The following MED11 variants were observed in gnomAD, a reference collection of about 807,000 sequenced individuals.
The protein encoded by MED11 is mediator complex subunit 11.
A neutral mutation model predicts 13.9 loss-of-function variants in MED11; 19 were observed. That is an observed-to-expected ratio of 1.36 (90% confidence interval 0.95 to 2.00). The LOEUF is 2.00. Among genes scored for constraint, MED11 ranks in the 30% most tolerant of loss-of-function variants. The pLI is 0.00. For synonymous variants in MED11, 67 were observed against 62.1 expected (o/e 1.08, Z -0.37); for missense variants, 134 against 150.2 (o/e 0.89, Z 0.56).
rs752656322 is a variant in MED11, at chr17:4,732,893, A to C, written c.217-157A>C. The C allele has an allele frequency of 1.2e-5, 10 of 817,432 alleles. No individual in the cohort carries two copies. The South Asian group carries it at 1.4e-4, about 12-fold the overall frequency. The allele number at this position is 817,432 out of a possible 1,614,324, so 50.6% of individuals were successfully genotyped here. On this transcript the variant is annotated intron_variant, in intron 2 of 2. Transcript: ENST00000293777. ...CTAGGAAGTAGTTATTGTCACCCCC[A>C]TTTTACAGACAAGATTAACATAAGT...
chr17:4,732,084 T>TC, intron 2 of MED11, 178 bp downstream of exon 2: 1 of 673,846 alleles, frequency 1.5e-6, no homozygotes, highest in East Asian at 2.9e-5. Context: ...TTGACAGAGT[T>TC]CGAGACCAGC....
chr17:4,731,468 G>C lies in MED11; in HGVS notation c.-22G>C. Reference sequence around the variant, plus strand: ...GTCGCGTTTCTGAGGAGAAACTCTTGGTGAGAATTCCCAGAGTGATAATGG... The same window carrying C: ...GTCGCGTTTCTGAGGAGAAACTCTTCGTGAGAATTCCCAGAGTGATAATGG... On this transcript the variant is annotated 5_prime_UTR_variant, in exon 1 of 3. Coordinates refer to ENST00000293777, the MANE Select transcript of MED11 (RefSeq NM_001001683.4). 1 of 1,612,636 alleles carries C rather than the reference G, an allele frequency of 6.2e-7. No individual in the cohort carries two copies.
rs751243821 is a variant in MED11 at position 4,731,923 on chromosome 17, G to A, written c.216+17G>A. 2 of 1,608,834 alleles carry A rather than the reference G, an allele frequency of 1.2e-6. No individual in the cohort carries two copies. The highest frequency in any genetic ancestry group is 1.7e-4 in the Middle Eastern group (1 of 5,980). On this transcript the variant is annotated intron_variant, in intron 2 of 2. Coordinates refer to ENST00000293777, the MANE Select transcript of MED11 (RefSeq NM_001001683.4). ...CTCACCCAGGTCGGTGTGTCTGGGG[G>A]GTTCTGCGAGCGAACCCCAGCTCTG...
rs757628628 is a variant in MED11, at chr17:4,731,513, C to T, written c.24C>T (p.Asn8=). 3 of 1,614,120 alleles carry T rather than the reference C, an allele frequency of 1.9e-6. No individual in the cohort carries two copies. The highest frequency in any genetic ancestry group is 1.7e-6 in the Non-Finnish European group (2 of 1,180,020). Residue 8 remains asparagine, a synonymous_variant, in exon 1 of 3, where the codon AAC becomes AAT. Transcript: ENST00000293777. The part of the protein sequence containing the change: MATYSLA[N]ERLRALEDIE... The stretch of plus-strand genomic sequence containing the variant: ...TAATGGCTACCTACAGCCTGGCGAA[C>T]GAGAGACTACGCGCTCTGGAAGACA...
chr17:4,731,446 G>C lies in MED11; in HGVS notation c.-44G>C, dbSNP rs754194619. 1.9e-6 allele frequency: 3 copies of C among 1,596,204 alleles called. No homozygotes were observed. The highest frequency in any genetic ancestry group is 2.6e-6 in the Non-Finnish European group (3 of 1,164,676). On this transcript the variant is annotated 5_prime_UTR_variant, in exon 1 of 3. Coordinates refer to ENST00000293777, the MANE Select transcript of MED11 (RefSeq NM_001001683.4). ...GAGAGCCACTTCCGGAACAAGCGTC[G>C]CGTTTCTGAGGAGAAACTCTTGGTG...
At chr17:4,732,433 A>AAAAAAAAAAC in intron 2 of MED11, 1 of 153,714 alleles carries the variant, frequency 6.5e-6, no homozygotes, top group African/African-American at 2.5e-5. Flanking sequence ...AAAAAAAAAA[A>AAAAAAAAAAC]GCCGGGCTTG....
Position 4,731,758 on chromosome 17 carries a change from C to T in MED11, c.86-18C>T, listed in dbSNP as rs772015136. On this transcript the variant is annotated intron_variant, in intron 1 of 2. Coordinates refer to ENST00000293777, the MANE Select transcript of MED11 (RefSeq NM_001001683.4). The stretch of plus-strand genomic sequence containing the variant: ...CTGGCAGTCTCCGTGTGTCCCCGCC[C>T]TCTCTCCGCCCTGGCAGGTACTGTG... 2 of 1,612,202 alleles carry T rather than the reference C, an allele frequency of 1.2e-6. No homozygotes were observed. Among genetic ancestry groups the T allele is most frequent in the Admixed American group, 3.3e-5 (2 of 59,948 alleles).
chr17:4,731,456 G>C lies in MED11; in HGVS notation c.-34G>C. Reference sequence around the variant, plus strand: ...TCCGGAACAAGCGTCGCGTTTCTGAGGAGAAACTCTTGGTGAGAATTCCCA... The same window carrying C: ...TCCGGAACAAGCGTCGCGTTTCTGACGAGAAACTCTTGGTGAGAATTCCCA... On this transcript the variant is annotated 5_prime_UTR_variant, in exon 1 of 3. Transcript: ENST00000293777. The C allele has an allele frequency of 6.2e-7, 1 of 1,606,902 alleles. No homozygotes were observed. The highest frequency in any genetic ancestry group is 8.5e-7 in the Non-Finnish European group (1 of 1,173,772).
At chr17:4,731,644 G>A in intron 1 of MED11, 70 bp downstream of exon 1, 2 of 1,609,872 alleles carry the variant, frequency 1.2e-6, no homozygotes, top group East Asian at 4.5e-5. Context: ...GCCTGACCTG[G>A]GACTTGGAGC....
In MED11 at chr17:4,731,819, G is replaced by A. The variant is rs2150615493; in HGVS notation, c.129G>A (p.Arg43=). 1 of 1,614,208 alleles carries A rather than the reference G, an allele frequency of 6.2e-7. No individual in the cohort carries two copies. The highest frequency in any genetic ancestry group is 1.1e-5 in the South Asian group (1 of 91,088). The part of the protein sequence containing the change: ...LELSKEKTNE[R]LLDRQAAAFT... ...TGTCCAAGGAAAAAACTAACGAGCGGCTCCTAGACCGGCAGGCGGCGGCCT... is the reference window on the plus strand; with the variant it reads ...TGTCCAAGGAAAAAACTAACGAGCGACTCCTAGACCGGCAGGCGGCGGCCT... The change falls in exon 2 of 3, where the codon CGG becomes CGA. Residue 43 remains arginine, a synonymous_variant. Coordinates refer to ENST00000293777, the MANE Select transcript of MED11 (RefSeq NM_001001683.4).
intron 2 of MED11, 152 bp from the exon 3 acceptor site, chr17:4,732,898 A>T: frequency 2.4e-6 from 2 of 848,524 alleles, no homozygotes; most frequent in Non-Finnish European, 3.7e-6. Flanking sequence ...CCCCCATTTT[A>T]CAGACAAGAT....
Position 4,731,522 on chromosome 17 carries a change from A to C in MED11, c.33A>C (p.Leu11=), listed in dbSNP as rs567904022. Residue 11 remains leucine, a synonymous_variant, in exon 1 of 3, where the codon CTA becomes CTC. Coordinates refer to ENST00000293777, the MANE Select transcript of MED11 (RefSeq NM_001001683.4). ...CCTACAGCCTGGCGAACGAGAGACT[A>C]CGCGCTCTGGAAGACATTGAACGGG... is the stretch of plus-strand genomic sequence containing the variant. MATYSLANER[L]RALEDIEREI... is the part of the protein sequence containing the mutation. 32 of 1,614,148 alleles carry C rather than the reference A, an allele frequency of 2.0e-5. No individual in the cohort carries two copies. In the South Asian group the frequency reaches 3.3e-4, roughly 17 times the overall value.
At position 4,733,028 on chromosome 17, in the gene MED11, C is replaced by T. The variant is rs200335233; in HGVS notation, c.217-22C>T. 13 of 1,613,014 alleles carry T rather than the reference C, an allele frequency of 8.1e-6. No individual in the cohort carries two copies. The Admixed American group carries it at 1.5e-4, about 19-fold the overall frequency. On this transcript the variant is annotated intron_variant, in intron 2 of 2. Transcript: ENST00000293777. The stretch of plus-strand genomic sequence containing the variant: ...GAGTTAGGGTAAAGGAGATGGTGCT[C>T]CATTGATAGTCTGTCTTGTAGGTGG...
intron 2 of MED11, among the ~76,000 whole-genome samples, chr17:4,732,666 G>A (rs1479246464): frequency 6.6e-6 from 1 of 152,122 alleles, no homozygotes; most frequent in African/African-American, 2.4e-5. Context: ...CCTAGCAGAA[G>A]ATGTGTAAAT....
intron 2 of MED11, 29 bp from the exon 3 acceptor site, chr17:4,733,021 T>C: frequency 4.3e-6 from 7 of 1,611,864 alleles, no homozygotes; most frequent in Non-Finnish European, 5.9e-6. Flanking sequence ...GTAAAGGAGA[T>C]GGTGCTCCAT....
chr17:4,731,737 C>T, intron 1 of MED11, 39 bp from the exon 2 acceptor site: 1 of 1,608,918 alleles, frequency 6.2e-7, no homozygotes, highest in Non-Finnish European at 8.5e-7. Flanking sequence ...GCTACACTGG[C>T]AGTCTCCGTG....
Position 4,733,172 on chromosome 17 carries a change from G to C in MED11, c.339G>C (p.Gln113His), listed in dbSNP as rs1371561890. Residue 113 changes from glutamine to histidine, a missense_variant, in exon 3 of 3, where the codon CAG becomes CAC. Gln to His is a conservative substitution (Grantham distance 24). Transcript: ENST00000293777. ...KLSDVARTCE[Q>H]MLEN is the part of the protein sequence containing the mutation. ...GTGATGTGGCTCGAACCTGTGAGCAGATGCTGGAGAACTAGGCCAGGGAGA... is the reference window on the plus strand; with the variant it reads ...GTGATGTGGCTCGAACCTGTGAGCACATGCTGGAGAACTAGGCCAGGGAGA... The C allele has an allele frequency of 6.2e-7, 1 of 1,614,042 alleles. No individual in the cohort carries two copies. The highest frequency in any genetic ancestry group is 8.5e-7 in the Non-Finnish European group (1 of 1,180,022).
Position 4,731,501 on chromosome 17 carries a change from C to T in MED11, c.12C>T (p.Tyr4=). 2 of 1,614,056 alleles carry T rather than the reference C, an allele frequency of 1.2e-6. No individual in the cohort carries two copies. ...TTCCCAGAGTGATAATGGCTACCTACAGCCTGGCGAACGAGAGACTACGCG... is the reference window on the plus strand; with the variant it reads ...TTCCCAGAGTGATAATGGCTACCTATAGCCTGGCGAACGAGAGACTACGCG... MAT[Y]SLANERLRAL... is the part of the protein sequence containing the mutation. The change falls in exon 1 of 3, where the codon TAC becomes TAT. Residue 4 remains tyrosine (Y), a synonymous_variant. Coordinates refer to ENST00000293777, the MANE Select transcript of MED11 (RefSeq NM_001001683.4).
In MED11 at chr17:4,733,536, G is replaced by A. The variant is rs117048273; in HGVS notation, c.*349G>A. ...AATGAAAATACATACTTCTTCATTC[G>A]GAGAGACAAAACAAGAACTAGAGTT... On this transcript the variant is annotated 3_prime_UTR_variant, in exon 3 of 3. Transcript: ENST00000293777. The A allele has an allele frequency of 0.012, 2,469 of 202,606 alleles. 18 individuals are homozygous for A. Among genetic ancestry groups the A allele is most frequent in the Non-Finnish European group, 0.019 (1,890 of 100,082 alleles). The allele number at this position is 202,606 out of a possible 1,614,324, so 12.6% of individuals were successfully genotyped here. A position where few individuals can be genotyped will look rare whatever the true frequency, so the allele number is the denominator to read the frequency against.
Sources: gnomAD v4.1 joint callset for allele counts (sites outside exome capture counted in the v4.1 genomes callset) on GRCh38, gnomAD v4.1.1 for gene constraint, MANE v1.5 for transcripts, NCBI Gene and HGNC (gene_info 2026-07-23, HGNC 2026-07-21) for gene names.